The following C4orf51 variants were observed in gnomAD, a reference collection of about 807,000 sequenced individuals.
C4orf51 encodes the protein uncharacterized protein C4orf51.
In C4orf51, 25 loss-of-function variants were observed where a neutral mutation model predicts 25.2. That is an observed-to-expected ratio of 0.99 (90% CI 0.72 to 1.39). The LOEUF (loss-of-function observed/expected upper bound fraction) is 1.39. Ranked by LOEUF, C4orf51 falls within the 40% of genes most tolerant of loss-of-function variation. C4orf51 has a pLI of 0.00. For missense variants in C4orf51, 252 were observed against 239.6 expected, an observed-to-expected ratio of 1.05 and a Z score of -0.34; for synonymous variants, 100 against 84.5, an observed-to-expected ratio of 1.18 and a Z score of -1.01.
chr4:145,770,637 T>C (rs1413020142), intron 1 of C4orf51, among the ~76,000 whole-genome samples: 1 of 152,086 alleles, frequency 6.6e-6, no homozygotes. Context: ...TATTTTCCCA[T>C]GCTATTTTAG....
downstream of C4orf51, chr4:145,771,150 T>G (rs935689557): frequency 6.6e-6 from 1 of 152,250 alleles, no homozygotes; most frequent in Non-Finnish European, 1.5e-5. Flanking sequence ...GAATACTCTA[T>G]GTAGTAAATA....
chr4:145,683,011 A>T (rs1728927230), intron 1 of C4orf51, among the ~76,000 whole-genome samples: 1 of 151,776 alleles, frequency 6.6e-6, no homozygotes, highest in South Asian at 2.1e-4. Flanking sequence ...AAATAAAAAA[A>T]TTTTAAAAAA....
downstream of C4orf51, among the ~76,000 whole-genome samples, chr4:145,733,173 C>T (rs998653418): frequency 2.6e-5 from 4 of 152,118 alleles, no homozygotes; most frequent in African/African-American, 4.8e-5. Flanking sequence ...CCTGCCCCTC[C>T]CCTCCCCGGT....
chr4:145,773,326 T>C (rs557279003), downstream of C4orf51, among the ~76,000 whole-genome samples: 2 of 152,184 alleles, frequency 1.3e-5, no homozygotes, highest in Non-Finnish European at 2.9e-5. Context: ...CTCCAAGTCA[T>C]AGCTGCTCAA....
At chr4:145,683,647 A>G (rs1017358293) in intron 1 of C4orf51, among the ~76,000 whole-genome samples, 4 of 152,240 alleles carry the variant, frequency 2.6e-5, no homozygotes, top group African/African-American at 9.6e-5. Flanking sequence ...AATGGAGCAA[A>G]TATTGTTCTT....
chr4:145,781,712 A>T, the C4orf51 span, among the ~76,000 whole-genome samples: 1 of 152,256 alleles, frequency 6.6e-6, no homozygotes, highest in Non-Finnish European at 1.5e-5. Context: ...GAGTCCACGC[A>T]GTGGGCATTT....
At chr4:145,737,655 A>G (rs956526184), downstream of C4orf51, among the ~76,000 whole-genome samples, 1 of 152,226 alleles carries the variant, frequency 6.6e-6, no homozygotes, top group Non-Finnish European at 1.5e-5. Flanking sequence ...GGCTTGTTAT[A>G]GAACTCTAAG....
chr4:145,720,625 G>A (rs1731686103), intron 2 of C4orf51, among the ~76,000 whole-genome samples: 5 of 152,200 alleles, frequency 3.3e-5, no homozygotes, highest in Admixed American at 3.3e-4. Flanking sequence ...AGCAGAGACT[G>A]ATTTTAGCAC....
the C4orf51 span, among the ~76,000 whole-genome samples, chr4:145,780,099 G>A: frequency 1.2e-4 from 18 of 152,316 alleles, no homozygotes; most frequent in African/African-American, 4.1e-4. Context: ...GCTGAGGCAC[G>A]AGAATCGCTT....
chr4:145,733,221 C>G (rs958502255), downstream of C4orf51, among the ~76,000 whole-genome samples: 1 of 152,040 alleles, frequency 6.6e-6, no homozygotes, highest in African/African-American at 2.4e-5. Flanking sequence ...CCGGAGCGGC[C>G]GTCTCCTTCT....
At chr4:145,724,921 G>T (rs868188604) in intron 2 of C4orf51, among the ~76,000 whole-genome samples, 1 of 143,710 alleles carries the variant, frequency 7.0e-6, no homozygotes, top group East Asian at 2.0e-4. Flanking sequence ...AAGAAGAAAA[G>T]AGTTAAGTGA....
chr4:145,763,008 C>A lies in C4orf51; in HGVS notation n.167-7980C>A. 7.4e-7 allele frequency: 1 copy of A among 1,348,512 alleles called. No individual in the cohort carries two copies. Among genetic ancestry groups the A allele is most frequent in the Middle Eastern group, 2.2e-4 (1 of 4,478 alleles). The allele number at this position is 1,348,512 out of a possible 1,614,324, so 83.5% of individuals were successfully genotyped here. A position where few individuals can be genotyped will look rare whatever the true frequency, so the allele number is the denominator to read the frequency against. On this transcript the variant is annotated intron_variant and non_coding_transcript_variant, in intron 1 of 1. Transcript: ENST00000510096. This position sits in a 1 kb window ranked among gnomAD's most constrained non-coding sequence, Gnocchi z 4.6. ...CCGTTAGCCTTTGAACCTCAGCTCACAGAAGAGTGCACACGAGAGAAATAT... is the reference window on the plus strand; with the variant it reads ...CCGTTAGCCTTTGAACCTCAGCTCAAAGAAGAGTGCACACGAGAGAAATAT...
chr4:145,695,180 T>C (rs1729968796), intron 1 of C4orf51, among the ~76,000 whole-genome samples: 1 of 152,240 alleles, frequency 6.6e-6, no homozygotes, highest in South Asian at 2.1e-4. Context: ...TCCACAGTGG[T>C]TGAACTAATA....
intron 2 of C4orf51, among the ~76,000 whole-genome samples, chr4:145,725,830 A>C (rs1732024459): frequency 6.6e-6 from 1 of 152,154 alleles, no homozygotes; most frequent in Non-Finnish European, 1.5e-5. Flanking sequence ...GGATGATGAA[A>C]ATACTCTAAA....
downstream of C4orf51, among the ~76,000 whole-genome samples, chr4:145,737,099 TA>T (rs113236527): frequency 8.9e-3 from 1,274 of 143,304 alleles, 12 homozygotes; most frequent in African/African-American, 0.022. Context: ...TAGGCAGAGT[TA>T]AAAAAAAAAA....
At chr4:145,697,145 G>C (rs1180198066) in intron 2 of C4orf51, among the ~76,000 whole-genome samples, 1 of 150,522 alleles carries the variant, frequency 6.6e-6, no homozygotes, top group Non-Finnish European at 1.5e-5. Context: ...TGTCACCCAG[G>C]CTGGAGTGCA....
At position 145,765,154 on chromosome 4, in the gene C4orf51, C is replaced by T. The variant is rs1037674525; in HGVS notation, n.167-5834C>T. 1 of 1,609,432 alleles carries T rather than the reference C, an allele frequency of 6.2e-7. No individual in the cohort carries two copies. Among genetic ancestry groups the T allele is most frequent in the Non-Finnish European group, 8.5e-7 (1 of 1,177,636 alleles). ...GTCTTGCAGACAAAGTTGCAAAAAA[C>T]ACATTCGAACCCTGCAAGGACCGAA... is the stretch of plus-strand genomic sequence containing the variant. On this transcript the variant is annotated intron_variant and non_coding_transcript_variant, in intron 1 of 1. Transcript: ENST00000510096. This position sits in a 1 kb window ranked among gnomAD's most constrained non-coding sequence, Gnocchi z 4.7.
intron 1 of C4orf51, among the ~76,000 whole-genome samples, chr4:145,752,579 C>T (rs1733730805): frequency 6.6e-6 from 1 of 152,150 alleles, no homozygotes; most frequent in African/African-American, 2.4e-5. Context: ...AGGAAGTGGT[C>T]CATTTTGGAG....
chr4:145,707,527 T>C (rs1258589278), intron 2 of C4orf51, among the ~76,000 whole-genome samples: 2 of 152,184 alleles, frequency 1.3e-5, no homozygotes, highest in East Asian at 1.9e-4. Context: ...GATGAAGTTA[T>C]TGGTTAAAGA....
Sources: gnomAD v4.1 joint callset for allele counts (sites outside exome capture counted in the v4.1 genomes callset) on GRCh38, gnomAD v4.1.1 for gene constraint, Gnocchi (gnomAD v3.1) non-coding constraint, MANE v1.5 for transcripts, NCBI Gene and HGNC (gene_info 2026-07-23, HGNC 2026-07-21) for gene names.